The following BICDL1 variants were observed in gnomAD, a reference collection of about 807,000 sequenced individuals.
BICDL1 encodes the protein BICD family like cargo adaptor 1, also known as BICD family-like cargo adapter 1.
Under a neutral mutation model 76.8 loss-of-function variants are expected in BICDL1, and 20 were observed. The ratio of observed to expected loss-of-function variants is 0.26; its 90% CI spans 0.18 to 0.38. The LOEUF is 0.38. Among genes scored for constraint, BICDL1 ranks in the 10% least tolerant of loss-of-function variants. BICDL1 has a pLI of 1.00. For missense variants in BICDL1, 700 were observed against 798.6 expected (o/e 0.88, Z 1.49); for synonymous variants, 383 against 337.1 (o/e 1.14, Z -1.49).
rs1555277935 is a variant in BICDL1 at position 119,989,462 on chromosome 12, G to GGCGGCAGCA, written c.-405_-404insGGCAGCAGC. Among the ~76,000 whole-genome samples, 4 of 146,968 alleles carry GGCGGCAGCA rather than the reference G, an allele frequency of 2.7e-5. No individual in the cohort carries two copies. Among genetic ancestry groups the GGCGGCAGCA allele is most frequent in the Admixed American group, 2.0e-4 (3 of 14,900 alleles). ...CGTGAGGCGCTGCCCGGCCGGCGGC[G>GGCGGCAGCA]GCAGCAGCAGCAGCAGCGGCAGCGG... is the stretch of plus-strand genomic sequence containing the variant. On this transcript the variant is annotated 5_prime_UTR_variant, in exon 1 of 10. Transcript: ENST00000548673.
chr12:120,070,194 A>T (rs1872981343), intron 4 of BICDL1, among the ~76,000 whole-genome samples: 1 of 152,220 alleles, frequency 6.6e-6, no homozygotes, highest in Non-Finnish European at 1.5e-5. Context: ...TTTATTAGAA[A>T]CTGCCTATTT....
In BICDL1 at chr12:120,093,688, C is replaced by T. The variant is rs528865452; in HGVS notation, c.*527C>T. 2.3e-5 allele frequency: 4 copies of T among 172,450 alleles called. No individual in the cohort carries two copies. Among genetic ancestry groups the T allele is most frequent in the South Asian group, 1.2e-4 (1 of 8,208 alleles). 10.7% of individuals were successfully genotyped at this position (172,450 alleles called of 1,614,324 possible). A position where few individuals can be genotyped will look rare whatever the true frequency, so the allele number is the denominator to read the frequency against. On this transcript the variant is annotated 3_prime_UTR_variant, in exon 10 of 10. Coordinates refer to ENST00000548673, the MANE Select transcript of BICDL1 (RefSeq NM_001367886.1). ...AAAGGAGAGATGGCAGCCCCTCCCC[C>T]GCATGCATGCACCTCAGCTGGCAGG...
chr12:120,000,517 A>G (rs1038892764), intron 2 of BICDL1: 1 of 152,256 alleles, frequency 6.6e-6, no homozygotes, highest in Non-Finnish European at 1.5e-5. Flanking sequence ...TTGTTCAAAA[A>G]CATTTAATAC....
rs1206982618 is a variant in BICDL1, at chr12:120,080,919, A to G, written c.1485A>G (p.Leu495=). The G allele has an allele frequency of 6.2e-7, 1 of 1,613,532 alleles. No individual in the cohort carries two copies. The highest frequency in any genetic ancestry group is 8.5e-7 in the Non-Finnish European group (1 of 1,179,764). Residue 495 remains leucine (L), a synonymous_variant, in exon 8 of 10, where the codon CTA becomes CTG. Coordinates refer to ENST00000548673, the MANE Select transcript of BICDL1 (RefSeq NM_001367886.1). Reference sequence around the variant, plus strand: ...TGCTGAGTGTGGAGATGACTGCCCTAAAAGAGGAGAGAGACCGACTCAGAG... The same window carrying G: ...TGCTGAGTGTGGAGATGACTGCCCTGAAAGAGGAGAGAGACCGACTCAGAG... ...VTLLSVEMTA[L]KEERDRLRVT... is the part of the protein sequence containing the mutation.
rs991470095 is a variant in BICDL1, at chr12:120,058,715, C to T, written c.646-2995C>T. Among the ~76,000 whole-genome samples, 11 of 151,644 alleles carry T rather than the reference C, an allele frequency of 7.3e-5. No individual in the cohort carries two copies. The East Asian group carries it at 9.7e-4, about 13-fold the overall frequency. Reference sequence around the variant, plus strand: ...AAGCGATTCTCCTGCCTCAGCCTCCCGAGTGGCTAGGACTACAGGCACCCG... The same window carrying T: ...AAGCGATTCTCCTGCCTCAGCCTCCTGAGTGGCTAGGACTACAGGCACCCG... On this transcript the variant is annotated intron_variant, in intron 2 of 9. Transcript: ENST00000548673.
At chr12:120,091,601 C>G in intron 9 of BICDL1, 1 of 984,434 alleles carries the variant, frequency 1.0e-6, no homozygotes, top group Non-Finnish European at 1.2e-6. Context: ...GGGAAGAAGA[C>G]AAGGGCAAGG....
At chr12:120,022,278 AAG>A (rs1952199752) in intron 2 of BICDL1, among the ~76,000 whole-genome samples, 1 of 151,128 alleles carries the variant, frequency 6.6e-6, no homozygotes, top group South Asian at 2.1e-4. Flanking sequence ...TAAAAATTGA[AAG>A]AGCCTGGGCA....
chr12:120,039,727 A>G (rs540288331), intron 2 of BICDL1, among the ~76,000 whole-genome samples: 174 of 151,868 alleles, frequency 1.1e-3, no homozygotes, highest in Middle Eastern at 3.4e-3. Context: ...AACTGTAGGT[A>G]TTATAACGAT....
intron 9 of BICDL1, chr12:120,091,959 G>A: frequency 1.0e-6 from 1 of 985,348 alleles, no homozygotes; most frequent in African/African-American, 1.7e-5. Flanking sequence ...GACACCACAG[G>A]CTGACTCACT....
In BICDL1 at chr12:120,071,726, C is replaced by T. The variant is rs370962960; in HGVS notation, c.1014C>T (p.Ala338=). ...LTEERSLQSS[A]ATSTSLLSEI... Reference sequence around the variant, plus strand: ...AGGAGAGGAGTCTGCAGAGCTCTGCCGCCACCAGCACATCCCTCCTGTCAG... The same window carrying T: ...AGGAGAGGAGTCTGCAGAGCTCTGCTGCCACCAGCACATCCCTCCTGTCAG... The change falls in exon 5 of 10, where the codon GCC becomes GCT. Residue 338 remains alanine, a synonymous_variant. Coordinates refer to ENST00000548673, the MANE Select transcript of BICDL1 (RefSeq NM_001367886.1). The surrounding 1 kb of genome is among the most constrained non-coding windows in gnomAD (Gnocchi z 4.8). The T allele has an allele frequency of 3.0e-5, 48 of 1,612,366 alleles. No homozygotes were observed. Among genetic ancestry groups the T allele is most frequent in the African/African-American group, 6.7e-5 (5 of 74,982 alleles).
intron 2 of BICDL1, among the ~76,000 whole-genome samples, chr12:119,999,078 A>AAG (rs1223622211): frequency 6.6e-6 from 1 of 151,758 alleles, no homozygotes; most frequent in African/African-American, 2.4e-5. Flanking sequence ...AAAAAAAAAA[A>AAG]AAAAAGTTGA....
intron 8 of BICDL1, among the ~76,000 whole-genome samples, chr12:120,086,037 A>C (rs1874387906): frequency 6.7e-6 from 1 of 149,460 alleles, no homozygotes; most frequent in Non-Finnish European, 1.5e-5. Flanking sequence ...TAGCTCTGCC[A>C]CCTGGGTGAG....
intron 2 of BICDL1, 97 bp downstream of exon 2, chr12:119,998,833 C>A: frequency 8.2e-7 from 1 of 1,213,730 alleles, no homozygotes; most frequent in Non-Finnish European, 1.2e-6. Context: ...TTTCGGGAGG[C>A]CAAGGTGGGA....
intron 8 of BICDL1, among the ~76,000 whole-genome samples, chr12:120,089,306 G>GGT (rs10681563): frequency 4.0e-5 from 6 of 150,262 alleles, no homozygotes; most frequent in Admixed American, 3.3e-4. Context: ...GTGTGTGTGG[G>GGT]GTGTGACGGA....
At chr12:120,092,717 C>G (rs1446056372) in intron 9 of BICDL1, 1 of 985,282 alleles carries the variant, frequency 1.0e-6, no homozygotes. Flanking sequence ...AGGGAGAGAC[C>G]ACCCGAGCCA....
chr12:120,073,664 C>T (rs549334207), intron 6 of BICDL1, among the ~76,000 whole-genome samples: 14 of 152,304 alleles, frequency 9.2e-5, no homozygotes, highest in African/African-American at 3.1e-4. Context: ...TTTCTCCTCA[C>T]GTTTCATCCT....
intron 2 of BICDL1, among the ~76,000 whole-genome samples, chr12:120,029,155 A>G (rs1952369667): frequency 1.3e-5 from 2 of 152,146 alleles, no homozygotes; most frequent in Admixed American, 1.3e-4. Context: ...ATGTGATTAG[A>G]GGCCCAAAGT....
chr12:120,093,132 C>A lies in BICDL1; in HGVS notation c.1837C>A (p.Arg613=). 6.2e-7 allele frequency: 1 copy of A among 1,612,160 alleles called. No individual in the cohort carries two copies. Among genetic ancestry groups the A allele is most frequent in the Non-Finnish European group, 8.5e-7 (1 of 1,178,978 alleles). The part of the protein sequence containing the change: ...GDEPSIAEGK[R]LFSFFRKI Reference sequence around the variant, plus strand: ...TGAGCCCAGCATCGCTGAAGGCAAACGACTCTTCTCATTCTTCAGGAAAAT... The same window carrying A: ...TGAGCCCAGCATCGCTGAAGGCAAAAGACTCTTCTCATTCTTCAGGAAAAT... The change falls in exon 10 of 10, where the codon CGA becomes AGA. Residue 613 remains arginine, a synonymous_variant. Coordinates refer to ENST00000548673, the MANE Select transcript of BICDL1 (RefSeq NM_001367886.1).
intron 2 of BICDL1, among the ~76,000 whole-genome samples, chr12:120,059,785 C>T (rs1026995199): frequency 6.6e-6 from 1 of 152,090 alleles, no homozygotes; most frequent in South Asian, 2.1e-4. Context: ...GATCATGGCT[C>T]ACTGTAGCCT....
Sources: gnomAD v4.1 joint callset for allele counts (sites outside exome capture counted in the v4.1 genomes callset) on GRCh38, gnomAD v4.1.1 for gene constraint, Gnocchi (gnomAD v3.1) non-coding constraint, MANE v1.5 for transcripts, NCBI Gene and HGNC (gene_info 2026-07-23, HGNC 2026-07-21) for gene names.